Variants in KLHL3 observed in about 807,000 individuals in gnomAD.
KLHL3 encodes the protein kelch like family member 3.
Under a neutral mutation model 70.5 loss-of-function variants are expected in KLHL3, and 19 were observed. The ratio of observed to expected loss-of-function variants is 0.27; its 90% CI spans 0.19 to 0.40. The LOEUF is 0.40. Ranked by LOEUF, KLHL3 falls within the 10% of genes least tolerant of loss-of-function variation. KLHL3 has a pLI of 1.00. For synonymous variants in KLHL3, 258 were observed against 290.3 expected (o/e 0.89, Z 1.13); for missense variants, 512 against 771.1 (o/e 0.66, Z 3.98).
chr5:137,692,819 T>TACAC (rs3045645), intron 4 of KLHL3: 55,758 of 167,718 alleles, frequency 0.33, 9,630 homozygotes, highest in East Asian at 0.54. Context: ...AACAAAACTC[T>TACAC]ACACACACAC....
chr5:137,723,228 CTAT>C lies in KLHL3; in HGVS notation c.15-2647_15-2645del, dbSNP rs541987896. ...TATCTGACAGGGAAAGTCCCCAGTC[CTAT>C]TATTATTTTTGAGAAGTGTCTTCAC... On this transcript the variant is annotated intron_variant, in intron 1 of 14. Transcript: ENST00000309755. Among the ~76,000 whole-genome samples the C allele has an allele frequency of 3.9e-4, 60 of 152,244 alleles. 1 individual carries two copies. Among genetic ancestry groups the C allele is most frequent in the East Asian group, 1.2e-3 (6 of 5,186 alleles).
intron 4 of KLHL3, among the ~76,000 whole-genome samples, chr5:137,696,736 A>T (rs2905613): frequency 0.78 from 118,283 of 151,678 alleles, 46,339 homozygotes; most frequent in East Asian, 0.98. Flanking sequence ...GTGGCAGTTT[A>T]TTTAACCCCT....
At chr5:137,652,542 T>C (rs1356853292) in intron 8 of KLHL3, among the ~76,000 whole-genome samples, 2 of 152,192 alleles carry the variant, frequency 1.3e-5, no homozygotes, top group Non-Finnish European at 2.9e-5. Context: ...GGACATTACG[T>C]TAAGTGAAAT....
intron 5 of KLHL3, among the ~76,000 whole-genome samples, chr5:137,682,835 G>GA (rs1752066761): frequency 6.6e-6 from 1 of 152,142 alleles, no homozygotes; most frequent in East Asian, 1.9e-4. Flanking sequence ...TGTTCTTCAA[G>GA]ACTGCCTAGG....
chr5:137,671,395 GCCACGTA>G (rs949530768), intron 6 of KLHL3, among the ~76,000 whole-genome samples: 4 of 151,950 alleles, frequency 2.6e-5, no homozygotes, highest in Non-Finnish European at 5.9e-5. Flanking sequence ...ATTTCTCTTG[GCCACGTA>G]CTATGGACAC....
chr5:137,659,925 G>C (rs530656189), intron 7 of KLHL3, among the ~76,000 whole-genome samples: 24 of 152,030 alleles, frequency 1.6e-4, no homozygotes, highest in African/African-American at 5.8e-4. Context: ...GCTACCTTTT[G>C]TGAAAGAAAA....
Position 137,639,801 on chromosome 5 carries a change from T to G in KLHL3, c.1021+59A>C. On this transcript the variant is annotated intron_variant, in intron 9 of 14. Transcript: ENST00000309755. The surrounding 1 kb of genome is among the most constrained non-coding windows in gnomAD (Gnocchi z 5.0). ...GAAACAAGGAGTAGCTCACGACTTC[T>G]GGCACGGAGTGGGGACCAGCAGGGG... The G allele has an allele frequency of 5.4e-6, 7 of 1,295,656 alleles. No individual in the cohort carries two copies. The highest frequency in any genetic ancestry group is 7.9e-6 in the Non-Finnish European group (7 of 891,084). The allele number at this position is 1,295,656 out of a possible 1,614,324, so 80.3% of individuals were successfully genotyped here.
rs139890036 is a variant in KLHL3, at chr5:137,663,056, C to CTTTTTTT, written c.637-1032_637-1026dup. On this transcript the variant is annotated intron_variant, in intron 6 of 14. Coordinates refer to ENST00000309755, the MANE Select transcript of KLHL3 (RefSeq NM_017415.3). ...CCCTCAGTATCCTTGAGCACTCGTT[C>CTTTTTTT]TTTTTTTTTTTTTTTTTTTTTTTTT... Among the ~76,000 whole-genome samples, 54 of 77,914 alleles carry CTTTTTTT rather than the reference C, an allele frequency of 6.9e-4. 1 individual carries two copies. Among genetic ancestry groups the CTTTTTTT allele is most frequent in the African/African-American group, 1.6e-3 (30 of 18,512 alleles). The allele number at this position is 77,914 out of a possible 152,430, so 51.1% of individuals were successfully genotyped here.
rs1476659382 is a variant in KLHL3 at position 137,638,995 on chromosome 5, T to A, written c.1177A>T (p.Asn393Tyr). Residue 393 changes from asparagine (N) to tyrosine (Y), a missense_variant, in exon 10 of 15, where the codon AAT (asparagine) becomes TAT (tyrosine). By Grantham distance (143) the Asn-to-Tyr change is moderately radical. Coordinates refer to ENST00000309755, the MANE Select transcript of KLHL3 (RefSeq NM_017415.3). ...CCTCCCACTGCGTAGAGCAAGTCAT[T>A]GAGCACCGCTGCGCCCAGTGTGCTC... ...RRSTLGAAVL[N>Y]DLLYAVGGFD... The A allele has an allele frequency of 6.2e-7, 1 of 1,614,058 alleles. No homozygotes were observed. The highest frequency in any genetic ancestry group is 8.5e-7 in the Non-Finnish European group (1 of 1,180,030).
At chr5:137,641,951 C>T (rs894377604) in intron 8 of KLHL3, among the ~76,000 whole-genome samples, 10 of 152,288 alleles carry the variant, frequency 6.6e-5, no homozygotes, top group African/African-American at 2.4e-4. Flanking sequence ...CAAGAGTAGC[C>T]TTTTTCAGAG....
At chr5:137,628,509 A>T in intron 12 of KLHL3, 72 bp from the exon 13 acceptor site, 1 of 1,565,198 alleles carries the variant, frequency 6.4e-7, no homozygotes. Context: ...CCTGGCATCC[A>T]GTCCTGGACA....
chr5:137,628,691 T>TTAA (rs781077436), intron 12 of KLHL3: 96 of 288,192 alleles, frequency 3.3e-4, no homozygotes, highest in Middle Eastern at 9.5e-4. Context: ...TAAAAAACAT[T>TTAA]AAAAAATATA....
At chr5:137,674,345 G>A (rs1404765722) in intron 6 of KLHL3, among the ~76,000 whole-genome samples, 1 of 152,154 alleles carries the variant, frequency 6.6e-6, no homozygotes, top group African/African-American at 2.4e-5. Flanking sequence ...ATACATTCTT[G>A]TGGGAGATAA....
chr5:137,682,401 C>CGTAGAGAGAGAGAGAGAGAGAGAGAG (rs1333530869), intron 5 of KLHL3, among the ~76,000 whole-genome samples: 1 of 31,892 alleles, frequency 3.1e-5, no homozygotes, highest in Non-Finnish European at 6.4e-5. Context: ...GGGTGCTGGA[C>CGTAGAGAGAGAGAGAGAGAGAGAGAG]ATAGAGAGAG....
intron 10 of KLHL3, 125 bp downstream of exon 10, chr5:137,638,828 G>C (rs1021400185): frequency 3.4e-6 from 3 of 873,498 alleles, no homozygotes; most frequent in Non-Finnish European, 5.4e-6. Context: ...AAGAAGAGTG[G>C]ATATGTCCCT....
chr5:137,719,860 G>A (rs558553928), intron 2 of KLHL3, among the ~76,000 whole-genome samples: 4 of 152,200 alleles, frequency 2.6e-5, no homozygotes, highest in East Asian at 1.9e-4. Context: ...CAAGCAGCTC[G>A]TTCTGTTGGA....
At chr5:137,628,128 A>C in intron 13 of KLHL3, 169 bp downstream of exon 13, 1 of 760,446 alleles carries the variant, frequency 1.3e-6, no homozygotes, top group Non-Finnish European at 2.1e-6. Flanking sequence ...TTGGGGTCTC[A>C]ATTTCTCCCC....
At chr5:137,661,846 G>T (rs1580741050) in intron 7 of KLHL3, 69 bp downstream of exon 7, 1 of 865,240 alleles carries the variant, frequency 1.2e-6, no homozygotes, top group Non-Finnish European at 2.0e-6. Context: ...ATCCAACCAG[G>T]ATTGCCCATT....
chr5:137,670,976 A>G (rs1427365316), intron 6 of KLHL3, among the ~76,000 whole-genome samples: 1 of 151,592 alleles, frequency 6.6e-6, no homozygotes, highest in African/African-American at 2.4e-5. Flanking sequence ...CACCTCAAAA[A>G]AAAAAAAAAA....
Sources: gnomAD v4.1 joint callset for allele counts (sites outside exome capture counted in the v4.1 genomes callset) on GRCh38, gnomAD v4.1.1 for gene constraint, Gnocchi (gnomAD v3.1) non-coding constraint, MANE v1.5 for transcripts, NCBI Gene and HGNC (gene_info 2026-07-23, HGNC 2026-07-21) for gene names.